BLTP1: variants seen among roughly 807,000 people sequenced by gnomAD.
BLTP1 encodes fragile site-associated protein.
the BLTP1 span, chr4:122,229,069 A>G: frequency 1.4e-6 from 2 of 1,438,990 alleles, no homozygotes; most frequent in African/African-American, 2.9e-5. Context: ...TTAAGTATCA[A>G]AATAATAAGT....
At chr4:122,235,216 G>A in the BLTP1 span, 1 of 480,790 alleles carries the variant, frequency 2.1e-6, no homozygotes, top group Non-Finnish European at 2.7e-6. Flanking sequence ...TTTTTTCAGA[G>A]TTAGAAGTAG....
the BLTP1 span, among the ~76,000 whole-genome samples, chr4:122,178,465 A>G: frequency 1.3e-5 from 2 of 152,186 alleles, no homozygotes; most frequent in Non-Finnish European, 2.9e-5. Context: ...TGAAAACAGG[A>G]TTACTCTCAA....
chr4:122,293,257 T>C, the BLTP1 span: 1 of 782,680 alleles, frequency 1.3e-6, no homozygotes. Context: ...TAGAAGCAGC[T>C]GTAGTCCAGG....
chr4:122,332,148 A>G, the BLTP1 span, among the ~76,000 whole-genome samples: 1 of 151,990 alleles, frequency 6.6e-6, no homozygotes, highest in Non-Finnish European at 1.5e-5. Context: ...AAGAATGCTG[A>G]CAATTATTGA....
chr4:122,245,236 A>G, the BLTP1 span: 4 of 1,095,890 alleles, frequency 3.7e-6, no homozygotes, highest in African/African-American at 6.3e-5. Context: ...AAGTTAAATC[A>G]GAATATTTGG....
At chr4:122,336,844 G>T in the BLTP1 span, 1 of 1,569,494 alleles carries the variant, frequency 6.4e-7, no homozygotes, top group South Asian at 1.2e-5. Flanking sequence ...GTTTGCCTTT[G>T]ATCTAATAAT....
chr4:122,268,757 G>A, the BLTP1 span, among the ~76,000 whole-genome samples: 585 of 152,258 alleles, frequency 3.8e-3, 6 homozygotes, highest in African/African-American at 0.013. Flanking sequence ...TACAGAGAGA[G>A]AAACAAGGAG....
chr4:122,250,620 A>G, the BLTP1 span: 1 of 1,550,880 alleles, frequency 6.4e-7, no homozygotes, highest in Admixed American at 1.7e-5. Flanking sequence ...TAGAAAAATA[A>G]CAAAGAAAAC....
the BLTP1 span, chr4:122,359,398 T>A: frequency 2.2e-6 from 2 of 914,556 alleles, no homozygotes; most frequent in African/African-American, 3.6e-5. Context: ...TATCAATAAT[T>A]GGTACTTATG....
At chr4:122,218,217 T>C in the BLTP1 span, among the ~76,000 whole-genome samples, 1 of 152,142 alleles carries the variant, frequency 6.6e-6, no homozygotes. Flanking sequence ...CACTTAGACA[T>C]TTATGTTATT....
At chr4:122,164,353 G>T in the BLTP1 span, 8 of 942,316 alleles carry the variant, frequency 8.5e-6, no homozygotes, top group Non-Finnish European at 1.0e-5. Context: ...AATATTACAC[G>T]CCAGTTGTAA....
At chr4:122,344,776 G>C in the BLTP1 span, 1 of 982,192 alleles carries the variant, frequency 1.0e-6, no homozygotes, top group Non-Finnish European at 1.2e-6. Context: ...TATCACCCAA[G>C]GGCCAAGTAT....
At chr4:122,265,141 G>T in the BLTP1 span, among the ~76,000 whole-genome samples, 1 of 151,962 alleles carries the variant, frequency 6.6e-6, no homozygotes, top group Non-Finnish European at 1.5e-5. Context: ...AGTATTCAAG[G>T]GATTGGTTGC....
chr4:122,231,122 G>A, the BLTP1 span, among the ~76,000 whole-genome samples: 1 of 152,142 alleles, frequency 6.6e-6, no homozygotes, highest in East Asian at 1.9e-4. Flanking sequence ...GAACATTTTT[G>A]CACATAAAAT....
the BLTP1 span, chr4:122,263,653 A>G: frequency 1.6e-5 from 18 of 1,116,820 alleles, no homozygotes; most frequent in African/African-American, 2.8e-4. Flanking sequence ...AACATATACC[A>G]AAATCTTATT....
At chr4:122,208,670 T>G in the BLTP1 span, 3 of 982,890 alleles carry the variant, frequency 3.1e-6, no homozygotes, top group East Asian at 2.3e-4. Context: ...TTTCCCTGAT[T>G]ATTTTGTTGT....
the BLTP1 span, among the ~76,000 whole-genome samples, chr4:122,257,692 T>A: frequency 1.3e-5 from 2 of 152,208 alleles, no homozygotes; most frequent in Non-Finnish European, 2.9e-5. Context: ...ATAAGCAATT[T>A]TAGATATTAC....
chr4:122,306,008 AC>A, the BLTP1 span: 2 of 1,610,536 alleles, frequency 1.2e-6, no homozygotes, highest in Non-Finnish European at 1.7e-6. Flanking sequence ...CTTTGAATAG[AC>A]CAATTGTTTA....
At chr4:122,199,154 TG>T in the BLTP1 span, 2 of 199,222 alleles carry the variant, frequency 1.0e-5, no homozygotes, top group Non-Finnish European at 1.8e-5. Flanking sequence ...AGATATTATA[TG>T]GAGTTGGAAC....
Sources: allele counts gnomAD v4.1 joint callset (sites outside exome capture counted in the v4.1 genomes callset), GRCh38; gene constraint gnomAD v4.1.1; transcripts MANE v1.5; gene names NCBI Gene and HGNC (gene_info 2026-07-23, HGNC 2026-07-21).